LAP3: variants seen among roughly 807,000 people sequenced by gnomAD.
LAP3 encodes leucine aminopeptidase 3.
In LAP3, 46 loss-of-function variants were observed where a neutral mutation model predicts 58.8. The ratio of observed to expected loss-of-function variants is 0.78; its 90% CI spans 0.62 to 1.00. LAP3 has a LOEUF of 1.00. Among genes scored for constraint, LAP3 ranks in the 50% least tolerant of loss-of-function variants. The pLI, the probability that LAP3 is intolerant of heterozygous loss-of-function variation, is 0.00. For missense variants in LAP3, 615 were observed against 659.1 expected, an observed-to-expected ratio of 0.93 and a Z score of 0.73; for synonymous variants, 257 against 237.7, an observed-to-expected ratio of 1.08 and a Z score of -0.75.
At position 17,601,414 on chromosome 4, in the gene LAP3, T is replaced by C. The variant is rs74663459; in HGVS notation, c.1180+2856T>C. Among the ~76,000 whole-genome samples the C allele has an allele frequency of 9.0e-3, 1,374 of 152,302 alleles. 24 individuals carry two copies. The highest frequency in any genetic ancestry group is 0.032 in the African/African-American group (1,328 of 41,542). ...CATTTTTTATTACTTTAAGGGAAGA[T>C]AGCATGGTCTTGTTTGAGGGGATTG... On this transcript the variant is annotated intron_variant, in intron 10 of 12. Transcript: ENST00000226299.
intron 1 of LAP3, among the ~76,000 whole-genome samples, chr4:17,579,554 T>C (rs982789955): frequency 1.3e-5 from 2 of 152,220 alleles, no homozygotes; most frequent in African/African-American, 4.8e-5. Context: ...TATTTGAAAG[T>C]GAAGCCGTCT....
rs899577628 is a variant in LAP3 at position 17,577,422 on chromosome 4, C to T, written c.-44C>T. ...CCAAGGCGCGCCCGCCCACCGCTCTCCACGTGCTCGCTGGAGGGCGGTGCG... is the reference window on the plus strand; with the variant it reads ...CCAAGGCGCGCCCGCCCACCGCTCTTCACGTGCTCGCTGGAGGGCGGTGCG... On this transcript the variant is annotated 5_prime_UTR_variant, in exon 1 of 13. Transcript: ENST00000226299. The T allele has an allele frequency of 6.8e-7, 1 of 1,466,448 alleles. No homozygotes were observed. Among genetic ancestry groups the T allele is most frequent in the Admixed American group, 2.2e-5 (1 of 46,100 alleles). 90.8% of individuals were successfully genotyped at this position (1,466,448 alleles called of 1,614,324 possible). A position where few individuals can be genotyped will look rare whatever the true frequency, so the allele number is the denominator to read the frequency against.
intron 5 of LAP3, 116 bp downstream of exon 5, chr4:17,583,758 A>T (rs1713427952): frequency 1.8e-6 from 2 of 1,087,464 alleles, no homozygotes; most frequent in Non-Finnish European, 2.7e-6. Flanking sequence ...CTTGGCTGTG[A>T]CCTCCCCATT....
intron 6 of LAP3, chr4:17,585,430 C>A: frequency 1.1e-5 from 2 of 185,078 alleles, no homozygotes; most frequent in Admixed American, 7.1e-5. Flanking sequence ...GTGTGCAATT[C>A]AGTGATTTTT....
At chr4:17,588,088 C>T (rs771076280) in intron 6 of LAP3, among the ~76,000 whole-genome samples, 8 of 151,846 alleles carry the variant, frequency 5.3e-5, no homozygotes, top group South Asian at 2.1e-4. Flanking sequence ...GGTGCTGTGG[C>T]GAGATCGTGG....
intron 6 of LAP3, 77 bp from the exon 7 acceptor site, chr4:17,588,742 C>A: frequency 1.5e-6 from 2 of 1,368,642 alleles, no homozygotes; most frequent in South Asian, 1.3e-5. Context: ...CTTTTTCACA[C>A]ACTGTGATGA....
chr4:17,581,626 G>A, intron 2 of LAP3, 134 bp from the exon 3 acceptor site: 2 of 642,856 alleles, frequency 3.1e-6, no homozygotes, highest in Non-Finnish European at 5.5e-6. Context: ...TCTGTATTTG[G>A]ATAAAAACAT....
chr4:17,597,254 T>G, intron 9 of LAP3, 120 bp downstream of exon 9: 1 of 804,080 alleles, frequency 1.2e-6, no homozygotes, highest in Admixed American at 1.9e-5. Context: ...GAGGGTGCTG[T>G]CTTTAGTGCT....
intron 6 of LAP3, chr4:17,585,703 G>A (rs1160356261): frequency 6.6e-6 from 1 of 152,416 alleles, no homozygotes; most frequent in Non-Finnish European, 1.5e-5. Flanking sequence ...TTACAGCCAT[G>A]ACCCCGCCAT....
chr4:17,596,500 T>C (rs1713835132), intron 8 of LAP3, among the ~76,000 whole-genome samples: 1 of 152,080 alleles, frequency 6.6e-6, no homozygotes, highest in Admixed American at 6.5e-5. Context: ...CCACCATGCC[T>C]GGTTAATTTT....
At chr4:17,598,890 C>T (rs564713066) in intron 10 of LAP3, among the ~76,000 whole-genome samples, 5 of 152,130 alleles carry the variant, frequency 3.3e-5, no homozygotes, top group African/African-American at 1.2e-4. Context: ...GTACGCACCA[C>T]CAGTCCTGGC....
intron 2 of LAP3, among the ~76,000 whole-genome samples, 193 bp downstream of exon 2, chr4:17,580,132 G>T (rs1392089752): frequency 9.2e-6 from 1 of 108,162 alleles, no homozygotes; most frequent in Non-Finnish European, 1.8e-5. Flanking sequence ...CAAGTATCTG[G>T]GATCACAGGC....
At chr4:17,583,457 T>A (rs1164432023) in intron 4 of LAP3, 26 bp from the exon 5 acceptor site, 2 of 1,612,204 alleles carry the variant, frequency 1.2e-6, no homozygotes, top group Non-Finnish European at 1.7e-6. Flanking sequence ...CTGACTCCAG[T>A]TTTCTGATTC....
chr4:17,599,536 AAAAAT>A (rs545303171), intron 10 of LAP3, among the ~76,000 whole-genome samples: 1 of 151,972 alleles, frequency 6.6e-6, no homozygotes, highest in African/African-American at 2.4e-5. Flanking sequence ...CTCCCTCTTA[AAAAAT>A]AAAATAAAAT....
Position 17,585,046 on chromosome 4 carries a change from C to T in LAP3, c.614C>T (p.Thr205Met), listed in dbSNP as rs779146179. The change falls in exon 6 of 13, where the codon ACG (threonine) becomes ATG (methionine). Residue 205 changes from threonine (T) to methionine (M), a missense_variant. Thr to Met is a moderately conservative substitution (Grantham distance 81, BLOSUM62 -1). Coordinates refer to ENST00000226299, the MANE Select transcript of LAP3 (RefSeq NM_015907.3). ...AACTTGGCACGCCAATTGATGGAGA[C>T]GCCAGCCAATGAGATGACGCCAACC... Reference protein sequence around the residue: ...GQNLARQLMETPANEMTPTRF... With the variant: ...GQNLARQLMEMPANEMTPTRF... The T allele has an allele frequency of 7.4e-6, 12 of 1,613,992 alleles. No homozygotes were observed. Among genetic ancestry groups the T allele is most frequent in the Middle Eastern group, 1.6e-4 (1 of 6,062 alleles).
At chr4:17,593,629 T>TTTTTTTA (rs1713755414) in intron 7 of LAP3, among the ~76,000 whole-genome samples, 1 of 146,384 alleles carries the variant, frequency 6.8e-6, no homozygotes, top group African/African-American at 2.6e-5. Flanking sequence ...TTTTTTTTTT[T>TTTTTTTA]GAGACAGTGT....
At chr4:17,581,172 G>A (rs1406938798) in intron 2 of LAP3, among the ~76,000 whole-genome samples, 2 of 152,138 alleles carry the variant, frequency 1.3e-5, no homozygotes, top group African/African-American at 2.4e-5. Flanking sequence ...TATCCGGTTC[G>A]GGTATCCAGT....
intron 4 of LAP3, among the ~76,000 whole-genome samples, chr4:17,583,269 T>C (rs953782103): frequency 3.9e-5 from 6 of 152,178 alleles, no homozygotes; most frequent in African/African-American, 1.4e-4. Context: ...CATCAGCCTG[T>C]CCTCACCACC....
intron 7 of LAP3, 120 bp downstream of exon 7, chr4:17,589,097 G>A: frequency 9.7e-7 from 1 of 1,034,440 alleles, no homozygotes; most frequent in Non-Finnish European, 1.4e-6. Flanking sequence ...GTCTCACCCT[G>A]TCACCCAGGC....
Sources: gnomAD v4.1 joint callset for allele counts (sites outside exome capture counted in the v4.1 genomes callset) on GRCh38, gnomAD v4.1.1 for gene constraint, MANE v1.5 for transcripts, NCBI Gene and HGNC (gene_info 2026-07-23, HGNC 2026-07-21) for gene names.